CACNB2: variants seen among roughly 807,000 people sequenced by gnomAD.
CACNB2 encodes the protein calcium voltage-gated channel auxiliary subunit beta 2.
CACNB2 carries 42 observed loss-of-function variants against 73.3 expected under a neutral mutation model. That is an observed-to-expected ratio of 0.57 (90% CI 0.45 to 0.74). CACNB2 has a LOEUF of 0.74. Ranked by LOEUF, CACNB2 falls within the 30% of genes least tolerant of loss-of-function variation. The pLI, the probability that CACNB2 is intolerant of heterozygous loss-of-function variation, is 0.00. For missense variants in CACNB2, 940 were observed against 853.0 expected, an observed-to-expected ratio of 1.10 and a Z score of -1.27; for synonymous variants, 348 against 310.3, an observed-to-expected ratio of 1.12 and a Z score of -1.28.
In CACNB2 at chr10:18,154,372, A is replaced by ATT. The variant is rs2031861641; in HGVS notation, c.213+3398_213+3399insTT. 4.6e-5 allele frequency among the ~76,000 whole-genome samples: 7 copies of ATT among 152,102 alleles called. No individual in the cohort carries two copies. The South Asian group carries it at 1.5e-3, about 32-fold the overall frequency. On this transcript the variant is annotated intron_variant, in intron 2 of 13. Coordinates refer to ENST00000324631, the MANE Select transcript of CACNB2 (RefSeq NM_201596.3). ...GTCCTCCTATCCAACCCTCAAATTC[A>ATT]TCTTTAGAAGCGCAGACACCCAGTG...
chr10:18,443,872 A>T (rs2046602223), intron 3 of CACNB2, among the ~76,000 whole-genome samples: 1 of 151,916 alleles, frequency 6.6e-6, no homozygotes, highest in Admixed American at 6.6e-5. Flanking sequence ...CTGCCGCCAC[A>T]CCTAGCTAAT....
intron 2 of CACNB2, among the ~76,000 whole-genome samples, chr10:18,212,036 C>G (rs1390293128): frequency 1.3e-5 from 2 of 152,142 alleles, no homozygotes; most frequent in African/African-American, 4.8e-5. Flanking sequence ...TCAACAGGCC[C>G]AAATCCTCCA....
intron 2 of CACNB2, among the ~76,000 whole-genome samples, chr10:18,376,164 A>G (rs372305081): frequency 9.2e-5 from 14 of 152,344 alleles, no homozygotes; most frequent in African/African-American, 3.1e-4. Flanking sequence ...ATTCAGCCAT[A>G]AAAAATCAGT....
intron 1 of CACNB2, among the ~76,000 whole-genome samples, chr10:18,149,778 T>G (rs2031342234): frequency 6.6e-6 from 1 of 152,230 alleles, no homozygotes; most frequent in African/African-American, 2.4e-5. Flanking sequence ...GTTATACGCT[T>G]TAGTCCAGTT....
intron 7 of CACNB2, among the ~76,000 whole-genome samples, chr10:18,515,783 C>T (rs896269771): frequency 2.0e-5 from 3 of 152,196 alleles, no homozygotes; most frequent in Admixed American, 6.5e-5. Context: ...CTTAGAAAAT[C>T]GGCATCGCTA....
intron 2 of CACNB2, among the ~76,000 whole-genome samples, chr10:18,383,758 C>T (rs1375530756): frequency 1.3e-5 from 2 of 152,022 alleles, no homozygotes; most frequent in African/African-American, 2.4e-5. Flanking sequence ...CAGGCTAGAG[C>T]ACAGTGGCTC....
At chr10:18,371,690 T>C (rs530780228) in intron 2 of CACNB2, among the ~76,000 whole-genome samples, 5 of 152,230 alleles carry the variant, frequency 3.3e-5, no homozygotes. Flanking sequence ...TATAGCAGCA[T>C]GATTTATAAT....
chr10:18,526,150 AT>A (rs1286601919), intron 9 of CACNB2, among the ~76,000 whole-genome samples: 6 of 152,314 alleles, frequency 3.9e-5, no homozygotes, highest in Admixed American at 1.3e-4. Context: ...TTGCTAGATA[AT>A]TTACACAGGA....
chr10:18,146,106 G>C (rs901913205), intron 1 of CACNB2, among the ~76,000 whole-genome samples: 1 of 152,008 alleles, frequency 6.6e-6, no homozygotes, highest in Admixed American at 6.6e-5. Flanking sequence ...TTCTAGGAAT[G>C]TCATTTAGCT....
At chr10:18,471,977 A>G (rs1022952382) in intron 3 of CACNB2, among the ~76,000 whole-genome samples, 12 of 152,106 alleles carry the variant, frequency 7.9e-5, no homozygotes, top group African/African-American at 2.7e-4. Context: ...AAAGTAACAA[A>G]TATGTCTCAC....
intron 2 of CACNB2, among the ~76,000 whole-genome samples, chr10:18,228,385 A>T (rs2036084207): frequency 2.2e-5 from 3 of 136,354 alleles, no homozygotes; most frequent in Non-Finnish European, 3.1e-5. Context: ...GTGAGCCGAG[A>T]TGGCGACATT....
At chr10:18,414,064 A>G (rs1197077668) in intron 3 of CACNB2, among the ~76,000 whole-genome samples, 1 of 152,212 alleles carries the variant, frequency 6.6e-6, no homozygotes, top group Admixed American at 6.5e-5. Flanking sequence ...TGTAAGGTAG[A>G]TTTGAGATGT....
At chr10:18,366,345 A>G (rs933491368) in intron 2 of CACNB2, among the ~76,000 whole-genome samples, 1 of 151,618 alleles carries the variant, frequency 6.6e-6, no homozygotes, top group Admixed American at 6.6e-5. Flanking sequence ...GGCACCTGTA[A>G]TCCTAGCTCC....
chr10:18,492,319 A>G (rs1214301490), intron 3 of CACNB2, among the ~76,000 whole-genome samples: 3 of 152,154 alleles, frequency 2.0e-5, no homozygotes. Context: ...ACTGTAAACA[A>G]AGTGAATATG....
chr10:18,476,614 C>G (rs530176135), intron 3 of CACNB2, among the ~76,000 whole-genome samples: 1 of 152,248 alleles, frequency 6.6e-6, no homozygotes, highest in East Asian at 1.9e-4. Flanking sequence ...AGAAAGTGAC[C>G]AATCAGATGC....
intron 3 of CACNB2, among the ~76,000 whole-genome samples, chr10:18,435,268 G>C (rs1325263387): frequency 6.6e-6 from 1 of 152,174 alleles, no homozygotes; most frequent in African/African-American, 2.4e-5. Context: ...TAAGGCAGGC[G>C]GAGGCATAGT....
chr10:18,367,983 C>G (rs1260781286), intron 2 of CACNB2, among the ~76,000 whole-genome samples: 2 of 152,112 alleles, frequency 1.3e-5, no homozygotes, highest in African/African-American at 4.8e-5. Flanking sequence ...TCATATTCTA[C>G]TGAAAACGAA....
At chr10:18,464,788 C>T (rs1214758738) in intron 3 of CACNB2, among the ~76,000 whole-genome samples, 1 of 152,188 alleles carries the variant, frequency 6.6e-6, no homozygotes, top group African/African-American at 2.4e-5. Flanking sequence ...TCTGCATTTA[C>T]GCAGGGGCGG....
intron 3 of CACNB2, among the ~76,000 whole-genome samples, chr10:18,490,993 T>C (rs2049383650): frequency 6.6e-6 from 1 of 152,188 alleles, no homozygotes; most frequent in African/African-American, 2.4e-5. Context: ...ACCTCTTGTG[T>C]CCCAGCATGT....
Sources: gnomAD v4.1 joint callset for allele counts (sites outside exome capture counted in the v4.1 genomes callset) on GRCh38, gnomAD v4.1.1 for gene constraint, MANE v1.5 for transcripts, NCBI Gene and HGNC (gene_info 2026-07-23, HGNC 2026-07-21) for gene names.